ARHGEF18: variants seen among roughly 807,000 people sequenced by gnomAD.
The protein encoded by ARHGEF18 is rho guanine nucleotide exchange factor 18.
Under a neutral mutation model 155.7 loss-of-function variants are expected in ARHGEF18, and 93 were observed. The ratio of observed to expected loss-of-function variants is 0.60; its 90% CI spans 0.50 to 0.71. ARHGEF18 has a LOEUF of 0.71. Ranked by LOEUF, ARHGEF18 falls within the 30% of genes least tolerant of loss-of-function variation. The pLI is 0.00. For missense variants in ARHGEF18, 1,593 were observed against 1,816.1 expected (o/e 0.88, Z 2.23); for synonymous variants, 742 against 753.1 (o/e 0.99, Z 0.24).
chr19:7,425,681 C>CAA (rs1247648498), intron 10 of ARHGEF18, among the ~76,000 whole-genome samples: 7 of 93,994 alleles, frequency 7.4e-5, no homozygotes, highest in East Asian at 2.7e-4. Context: ...GACTCCGTCT[C>CAA]AAAAAAAAAA....
chr19:7,427,971 GA>G (rs1973755062), intron 10 of ARHGEF18, among the ~76,000 whole-genome samples: 1 of 151,606 alleles, frequency 6.6e-6, no homozygotes, highest in East Asian at 1.9e-4. Flanking sequence ...AAGAGGGAGA[GA>G]AAAAAATGAA....
chr19:7,433,818 G>A lies in ARHGEF18; in HGVS notation c.968-6526G>A, dbSNP rs139648041. Among the ~76,000 whole-genome samples the A allele has an allele frequency of 6.2e-3, 945 of 152,042 alleles. 13 individuals carry two copies. Among genetic ancestry groups the A allele is most frequent in the African/African-American group, 0.021 (858 of 41,456 alleles). On this transcript the variant is annotated intron_variant, in intron 10 of 28. Transcript: ENST00000668164. ...GCGAATCACTTGAGGCCAGGAGTTT[G>A]AGACCAGCTTGGCCAACGTGGAGAA... is the stretch of plus-strand genomic sequence containing the variant.
chr19:7,477,868 C>A, the ARHGEF18 span, among the ~76,000 whole-genome samples: 3 of 152,106 alleles, frequency 2.0e-5, no homozygotes, highest in Non-Finnish European at 4.4e-5. Context: ...AAATAAAAAA[C>A]AAAATTAGCC....
chr19:7,379,718 G>A (rs1452074430), intron 7 of ARHGEF18, among the ~76,000 whole-genome samples: 1 of 152,114 alleles, frequency 6.6e-6, no homozygotes, highest in African/African-American at 2.4e-5. Flanking sequence ...CTAAGACACT[G>A]CCATCTGTTA....
the ARHGEF18 span, among the ~76,000 whole-genome samples, chr19:7,479,001 T>C: frequency 6.6e-6 from 1 of 152,152 alleles, no homozygotes; most frequent in Non-Finnish European, 1.5e-5. Context: ...GCACCTGCAC[T>C]CTCCAGCCTC....
At chr19:7,445,671 G>A (rs1012158336) in intron 14 of ARHGEF18, among the ~76,000 whole-genome samples, 1 of 152,158 alleles carries the variant, frequency 6.6e-6, no homozygotes, top group African/African-American at 2.4e-5. Flanking sequence ...CCAGGCTGGA[G>A]TGCAGTGGTG....
At chr19:7,362,017 G>GAAGAACAAGA (rs1568264374) in intron 1 of ARHGEF18, among the ~76,000 whole-genome samples, 1 of 51,124 alleles carries the variant, frequency 2.0e-5, no homozygotes, top group African/African-American at 1.0e-4. Context: ...GAAGAAGAAG[G>GAAGAACAAGA]AGAAGGAGAA....
At chr19:7,478,493 G>GC in the ARHGEF18 span, 1 of 1,073,644 alleles carries the variant, frequency 9.3e-7, no homozygotes, top group Non-Finnish European at 1.4e-6. Flanking sequence ...TAAACGGCCT[G>GC]CCCTCTCCCT....
chr19:7,362,285 A>G (rs1461712879), intron 1 of ARHGEF18, among the ~76,000 whole-genome samples: 2 of 149,074 alleles, frequency 1.3e-5, no homozygotes, highest in Non-Finnish European at 3.0e-5. Flanking sequence ...GGAGAAGAAG[A>G]GGAGGAGGAA....
At chr19:7,374,687 GGAAGA>G (rs1320219263) in intron 3 of ARHGEF18, among the ~76,000 whole-genome samples, 1 of 135,786 alleles carries the variant, frequency 7.4e-6, no homozygotes, top group East Asian at 2.3e-4. Context: ...CAAAAAAAAA[GGAAGA>G]AAAAAAAATC....
downstream of ARHGEF18, chr19:7,477,217 C>T (rs1431495843): frequency 1.3e-6 from 2 of 1,514,608 alleles, no homozygotes; most frequent in Non-Finnish European, 1.8e-6. Flanking sequence ...GGGTAGTGGC[C>T]TCGGCCTGGC....
chr19:7,478,988 C>A, the ARHGEF18 span, among the ~76,000 whole-genome samples: 1 of 152,242 alleles, frequency 6.6e-6, no homozygotes. Flanking sequence ...GCCAGTCCAC[C>A]AGGCACCTGC....
chr19:7,428,153 T>C (rs776964848), intron 10 of ARHGEF18, among the ~76,000 whole-genome samples: 1 of 152,230 alleles, frequency 6.6e-6, no homozygotes. Context: ...TTCATGTTTA[T>C]GTGAAACTGA....
chr19:7,375,730 G>C lies in ARHGEF18; in HGVS notation c.286G>C (p.Asp96His). 2.4e-6 allele frequency: 3 copies of C among 1,234,402 alleles called. No individual in the cohort carries two copies. Among genetic ancestry groups the C allele is most frequent in the Non-Finnish European group, 3.0e-6 (3 of 988,238 alleles). 76.5% of individuals were successfully genotyped at this position (1,234,402 alleles called of 1,614,324 possible). A position where few individuals can be genotyped will look rare whatever the true frequency, so the allele number is the denominator to read the frequency against. ...CSESWRRLSL[D>H]ASAVDEEPCL... is the part of the protein sequence containing the mutation. The stretch of plus-strand genomic sequence containing the variant: ...TGTCTTCTCCACTAGGCTCAGCCTC[G>C]ATGCCTCAGCTGTGGATGAGGAACC... The change falls in exon 4 of 29, where the codon GAT becomes CAT. Residue 96 changes from aspartate to histidine, a missense_variant. Transcript: ENST00000668164.
At chr19:7,387,573 G>A (rs1971155296) in intron 10 of ARHGEF18, among the ~76,000 whole-genome samples, 1 of 152,154 alleles carries the variant, frequency 6.6e-6, no homozygotes, top group Non-Finnish European at 1.5e-5. Context: ...ACCATTCTAT[G>A]AAATTTGCAT....
chr19:7,421,695 G>C (rs1156909980), intron 10 of ARHGEF18, among the ~76,000 whole-genome samples: 3 of 152,178 alleles, frequency 2.0e-5, no homozygotes, highest in Non-Finnish European at 4.4e-5. Flanking sequence ...CCAGGAGGCA[G>C]AGGCTGCAGT....
At chr19:7,381,171 G>A (rs767193299) in intron 8 of ARHGEF18, among the ~76,000 whole-genome samples, 177 bp downstream of exon 8, 1 of 152,264 alleles carries the variant, frequency 6.6e-6, no homozygotes, top group Admixed American at 6.5e-5. Context: ...TGAGAGGACA[G>A]AGGAAGACTT....
rs1976973992 is a variant in ARHGEF18, at chr19:7,470,688, C to T, written c.*390C>T. 1 of 399,868 alleles carries T rather than the reference C, an allele frequency of 2.5e-6. No homozygotes were observed. The highest frequency in any genetic ancestry group is 4.4e-5 in the Admixed American group (1 of 22,712). 24.8% of individuals were successfully genotyped at this position (399,868 alleles called of 1,614,324 possible). A position where few individuals can be genotyped will look rare whatever the true frequency, so the allele number is the denominator to read the frequency against. The stretch of plus-strand genomic sequence containing the variant: ...GCTCTGCACGGAGCTGAGGACAGGA[C>T]AGACCTTGCTTTGAGAAGGAGCTGC... On this transcript the variant is annotated 3_prime_UTR_variant, in exon 29 of 29. Transcript: ENST00000668164. This position sits in a 1 kb window ranked among gnomAD's most constrained non-coding sequence, Gnocchi z 5.9.
At chr19:7,403,828 G>A (rs377368677) in intron 10 of ARHGEF18, among the ~76,000 whole-genome samples, 1 of 152,034 alleles carries the variant, frequency 6.6e-6, no homozygotes, top group Non-Finnish European at 1.5e-5. Flanking sequence ...ACTTTGGGAG[G>A]CCAAGGCAGG....
Sources: gnomAD v4.1 joint callset for allele counts (sites outside exome capture counted in the v4.1 genomes callset) on GRCh38, gnomAD v4.1.1 for gene constraint, Gnocchi (gnomAD v3.1) non-coding constraint, MANE v1.5 for transcripts, NCBI Gene and HGNC (gene_info 2026-07-23, HGNC 2026-07-21) for gene names.